MTR: variants seen among roughly 807,000 people sequenced by gnomAD.
MTR encodes methionine synthase.
A neutral mutation model predicts 154.8 loss-of-function variants in MTR; 84 were observed. That is an observed-to-expected ratio of 0.54 (90% CI 0.45 to 0.65). The LOEUF is 0.65. Among genes scored for constraint, MTR ranks in the 30% least tolerant of loss-of-function variants. The pLI, the probability that MTR is intolerant of heterozygous loss-of-function variation, is 0.00. For missense variants in MTR, 1,275 were observed against 1,570.2 expected (o/e 0.81, Z 3.18); for synonymous variants, 554 against 553.9 (o/e 1.00, Z 0.00).
At chr1:236,867,881 C>T (rs948755158) in intron 22 of MTR, among the ~76,000 whole-genome samples, 1 of 152,170 alleles carries the variant, frequency 6.6e-6, no homozygotes, top group Non-Finnish European at 1.5e-5. Context: ...TGAGGAATTG[C>T]TTCTTACGGC....
At chr1:236,892,009 C>T (rs1334631845) in intron 29 of MTR, among the ~76,000 whole-genome samples, 8 of 152,156 alleles carry the variant, frequency 5.3e-5, no homozygotes, top group Non-Finnish European at 5.9e-5. Context: ...CAACTTGTCT[C>T]TCATCCCCCC....
At chr1:236,800,001 T>C (rs1660620099) in intron 1 of MTR, 1 of 958,104 alleles carries the variant, frequency 1.0e-6, no homozygotes, top group Admixed American at 6.2e-5. Flanking sequence ...TGGGGCTGGG[T>C]TGTTTTGTGG....
At chr1:236,886,464 A>G in intron 27 of MTR, 97 bp downstream of exon 27, 1 of 1,086,468 alleles carries the variant, frequency 9.2e-7, no homozygotes, top group Non-Finnish European at 1.4e-6. Context: ...TCAAACCAGC[A>G]GCTAACGACT....
intron 6 of MTR, among the ~76,000 whole-genome samples, chr1:236,814,456 T>A (rs1246018015): frequency 2.0e-5 from 3 of 152,236 alleles, no homozygotes; most frequent in Non-Finnish European, 4.4e-5. Context: ...GCATACATTA[T>A]GATTATATGG....
At chr1:236,883,185 A>T (rs2147911805) in intron 25 of MTR, among the ~76,000 whole-genome samples, 1 of 152,354 alleles carries the variant, frequency 6.6e-6, no homozygotes, top group Non-Finnish European at 1.5e-5. Context: ...TGTTGCCATG[A>T]AATGTTATTT....
At chr1:236,872,431 G>A (rs1186497311) in intron 22 of MTR, among the ~76,000 whole-genome samples, 1 of 152,052 alleles carries the variant, frequency 6.6e-6, no homozygotes, top group Non-Finnish European at 1.5e-5. Context: ...ACAGCTCTTC[G>A]TGTGCAGGAC....
chr1:236,831,844 T>C (rs1315936856), intron 12 of MTR, 122 bp from the exon 13 acceptor site: 1 of 736,228 alleles, frequency 1.4e-6, no homozygotes, highest in Non-Finnish European at 2.4e-6. Flanking sequence ...TTGGATCTCC[T>C]ATCTGCTCAG....
At chr1:236,844,451 GGCGT>G (rs1224014764) in intron 15 of MTR, among the ~76,000 whole-genome samples, 2 of 115,510 alleles carry the variant, frequency 1.7e-5, no homozygotes, top group East Asian at 2.6e-4. Context: ...GTTCAGAAAG[GGCGT>G]GTGTGTGTGT....
chr1:236,811,604 C>T (rs1406068329), intron 5 of MTR: 1 of 456,136 alleles, frequency 2.2e-6, no homozygotes, highest in South Asian at 1.5e-5. Context: ...AGGAGTTGTT[C>T]ATACCAGGCT....
chr1:236,852,686 G>T, intron 17 of MTR, 49 bp downstream of exon 17: 3 of 1,532,534 alleles, frequency 2.0e-6, no homozygotes, highest in Non-Finnish European at 2.7e-6. Flanking sequence ...TTTAGTTGGG[G>T]CAGGGGTTTT....
intron 25 of MTR, among the ~76,000 whole-genome samples, chr1:236,881,664 G>C (rs1252755667): frequency 6.6e-6 from 1 of 152,182 alleles, no homozygotes; most frequent in African/African-American, 2.4e-5. Flanking sequence ...GAGACTTCCA[G>C]TGATGCCATG....
intron 1 of MTR, 124 bp downstream of exon 1, chr1:236,795,861 G>A: frequency 6.8e-7 from 1 of 1,479,002 alleles, no homozygotes; most frequent in East Asian, 2.4e-5. Flanking sequence ...CCGCGTGTGG[G>A]CGGCACCTTT....
chr1:236,895,320 G>A (rs1572349186), intron 30 of MTR, 38 bp from the exon 31 acceptor site: 3 of 1,564,094 alleles, frequency 1.9e-6, no homozygotes, highest in Non-Finnish European at 1.7e-6. Flanking sequence ...GTGAGCCCCT[G>A]CGTCTGCCTA....
chr1:236,850,063 A>G (rs1376383990), intron 15 of MTR, among the ~76,000 whole-genome samples: 1 of 152,126 alleles, frequency 6.6e-6, no homozygotes, highest in Non-Finnish European at 1.5e-5. Flanking sequence ...TTTTGCAGAA[A>G]GAGTATAGCT....
At chr1:236,814,538 C>T (rs970553415) in intron 6 of MTR, among the ~76,000 whole-genome samples, 1 of 152,060 alleles carries the variant, frequency 6.6e-6, no homozygotes, top group Non-Finnish European at 1.5e-5. Context: ...TAACTTTTTT[C>T]CTTTAAAGTT....
intron 2 of MTR, 145 bp from the exon 3 acceptor site, chr1:236,805,999 A>T: frequency 4.2e-6 from 3 of 714,870 alleles, no homozygotes; most frequent in Admixed American, 2.2e-5. Context: ...ACCTTTTTGC[A>T]TCTCTACCTT....
rs7517015 is a variant in MTR at position 236,851,757 on chromosome 1, A to G, written c.1696-764A>G. On this transcript the variant is annotated intron_variant, in intron 16 of 32. Coordinates refer to ENST00000366577, the MANE Select transcript of MTR (RefSeq NM_000254.3). ...TGAGCCTAATAAAAATAGAATCGTA[A>G]TATTTTTATGTTTTTTTCTTACTCC... Among the ~76,000 whole-genome samples, 319 of 152,326 alleles carry G rather than the reference A, an allele frequency of 2.1e-3. 1 individual carries two copies. Among genetic ancestry groups the G allele is most frequent in the African/African-American group, 6.0e-3 (251 of 41,578 alleles).
intron 3 of MTR, 25 bp from the exon 4 acceptor site, chr1:236,808,679 C>T (rs773298665): frequency 6.2e-7 from 1 of 1,611,748 alleles, no homozygotes; most frequent in East Asian, 2.2e-5. Context: ...GAAGGACAAG[C>T]TAACGTTTGT....
chr1:236,881,359 A>G (rs989600472), intron 25 of MTR, among the ~76,000 whole-genome samples: 1 of 152,144 alleles, frequency 6.6e-6, no homozygotes, highest in African/African-American at 2.4e-5. Flanking sequence ...CTAACATTCT[A>G]TCTTGTTATA....
Sources: allele counts gnomAD v4.1 joint callset (sites outside exome capture counted in the v4.1 genomes callset), GRCh38; gene constraint gnomAD v4.1.1; transcripts MANE v1.5; gene names NCBI Gene and HGNC (gene_info 2026-07-23, HGNC 2026-07-21).